The following TENM4 variants were observed in gnomAD, a reference collection of about 807,000 sequenced individuals.
The protein encoded by TENM4 is teneurin-4.
Under a neutral mutation model 243.3 loss-of-function variants are expected in TENM4, and 82 were observed. The ratio of observed to expected loss-of-function variants is 0.34; its 90% confidence interval spans 0.28 to 0.40. The LOEUF (loss-of-function observed/expected upper bound fraction) is 0.40. TENM4 is among the 10% of genes least tolerant of loss of function. TENM4 has a pLI of 1.00. For missense variants in TENM4, 3,138 were observed against 3,673.3 expected (o/e 0.85, Z 3.77); for synonymous variants, 1,412 against 1,456.3 (o/e 0.97, Z 0.69).
At chr11:79,100,002 A>G (rs1861183910) in intron 4 of TENM4, among the ~76,000 whole-genome samples, 1 of 152,172 alleles carries the variant, frequency 6.6e-6, no homozygotes, top group Non-Finnish European at 1.5e-5. Context: ...TGTCTGGTTG[A>G]GCACTTTCAC....
chr11:78,902,174 T>TA, intron 7 of TENM4, among the ~76,000 whole-genome samples: 1 of 152,210 alleles, frequency 6.6e-6, no homozygotes, highest in Non-Finnish European at 1.5e-5. Context: ...ACACTTCATC[T>TA]ACAGTTTAGA....
chr11:79,064,654 G>T, intron 6 of TENM4, 84 bp downstream of exon 6: 6 of 1,503,054 alleles, frequency 4.0e-6, no homozygotes, highest in Non-Finnish European at 5.4e-6. Context: ...CAGAGCCCCG[G>T]CAGTGGAGCA....
chr11:79,188,566 G>C (rs944873158), intron 3 of TENM4, among the ~76,000 whole-genome samples: 10 of 151,886 alleles, frequency 6.6e-5, no homozygotes, highest in Admixed American at 2.0e-4. Context: ...AGAAGGAAGG[G>C]AGAATGGAGG....
chr11:78,747,340 G>A (rs930211278), intron 19 of TENM4, among the ~76,000 whole-genome samples: 16 of 152,362 alleles, frequency 1.1e-4, no homozygotes, highest in Non-Finnish European at 1.8e-4. Flanking sequence ...GGCTGCTGAA[G>A]TCAGACACAG....
chr11:78,871,719 T>C (rs1191170790), intron 9 of TENM4, among the ~76,000 whole-genome samples: 2 of 152,132 alleles, frequency 1.3e-5, no homozygotes, highest in African/African-American at 4.8e-5. Flanking sequence ...GGGAACCATC[T>C]CCTTGGGTCT....
intron 1 of TENM4, among the ~76,000 whole-genome samples, chr11:79,436,561 AAG>A (rs1325244309): frequency 6.6e-6 from 1 of 152,232 alleles, no homozygotes; most frequent in Non-Finnish European, 1.5e-5. Context: ...ATTCTATTGG[AAG>A]AGAGTCCGTG....
Position 78,661,382 on chromosome 11 carries a change from A to C in TENM4, c.7551+67T>G, listed in dbSNP as rs567797760. 4 of 1,549,324 alleles carry C rather than the reference A, an allele frequency of 2.6e-6. No individual in the cohort carries two copies. In the South Asian group the frequency reaches 4.8e-5, roughly 19 times the overall value. On this transcript the variant is annotated intron_variant, in intron 33 of 33. Coordinates refer to ENST00000278550, the MANE Select transcript of TENM4 (RefSeq NM_001098816.3). ...ATCACTGGCCCATGCTTTTCTGAAA[A>C]GCTGAAGGGACCCCCTCCAGTAATG... is the stretch of plus-strand genomic sequence containing the variant.
At chr11:78,659,162 T>C (rs1857973325) in intron 33 of TENM4, among the ~76,000 whole-genome samples, 2 of 152,200 alleles carry the variant, frequency 1.3e-5, no homozygotes, top group Non-Finnish European at 2.9e-5. Context: ...ATGACAACAA[T>C]AATTGCAATC....
At chr11:78,667,608 T>C (rs1207607920) in intron 32 of TENM4, among the ~76,000 whole-genome samples, 1 of 152,164 alleles carries the variant, frequency 6.6e-6, no homozygotes, top group Non-Finnish European at 1.5e-5. Context: ...TGGGCATCTG[T>C]GCAAACCTTT....
intron 32 of TENM4, 97 bp from the exon 33 acceptor site, chr11:78,661,688 G>C (rs1858033960): frequency 2.0e-6 from 3 of 1,478,662 alleles, no homozygotes; most frequent in Admixed American, 4.0e-5. Context: ...GCAGGGTGTG[G>C]TGAGGGTGTG....
chr11:79,318,878 C>T (rs1339182410), intron 1 of TENM4, among the ~76,000 whole-genome samples: 1 of 152,152 alleles, frequency 6.6e-6, no homozygotes, highest in African/African-American at 2.4e-5. Flanking sequence ...AACTCCTCTC[C>T]ATGTTTGGGA....
At chr11:78,982,939 C>A (rs1275415732) in intron 6 of TENM4, among the ~76,000 whole-genome samples, 1 of 152,206 alleles carries the variant, frequency 6.6e-6, no homozygotes, top group Non-Finnish European at 1.5e-5. Context: ...GGGCAGCTCT[C>A]GCAGTTACTG....
At chr11:78,998,843 T>C (rs934191256) in intron 6 of TENM4, among the ~76,000 whole-genome samples, 8 of 152,158 alleles carry the variant, frequency 5.3e-5, no homozygotes, top group Non-Finnish European at 1.5e-5. Flanking sequence ...GAGATGTGAA[T>C]GAATAGTGGA....
intron 4 of TENM4, among the ~76,000 whole-genome samples, chr11:79,082,586 C>T (rs1035622954): frequency 2.0e-5 from 3 of 152,130 alleles, no homozygotes; most frequent in African/African-American, 7.2e-5. Flanking sequence ...TATGTGTGCA[C>T]CCATGTGTGC....
rs775834053 is a variant in TENM4, at chr11:78,708,436, G to A, written c.4134C>T (p.Ile1378=). 1.9e-6 allele frequency: 3 copies of A among 1,614,058 alleles called. No homozygotes were observed. In the South Asian group the frequency reaches 3.3e-5, roughly 18 times the overall value. Residue 1378 remains isoleucine, a synonymous_variant, in exon 27 of 34, where the codon ATC becomes ATT. Transcript: ENST00000278550. ...GATCATTAGAGCCGAGCAGGGTGGA[G>A]ATGATCCCATTCTGATCGATGCGTC... is the stretch of plus-strand genomic sequence containing the variant. ...MIRRIDQNGI[I]STLLGSNDLT...
intron 15 of TENM4, among the ~76,000 whole-genome samples, chr11:78,802,796 C>G (rs534595783): frequency 2.6e-5 from 4 of 152,348 alleles, no homozygotes; most frequent in African/African-American, 9.6e-5. Context: ...TATTACAATA[C>G]TTTTAAAGCT....
At chr11:79,270,023 G>A (rs1855942342) in intron 2 of TENM4, among the ~76,000 whole-genome samples, 1 of 151,960 alleles carries the variant, frequency 6.6e-6, no homozygotes, top group South Asian at 2.1e-4. Context: ...TCGCAGAGAA[G>A]CACAGGCCTG....
intron 1 of TENM4, among the ~76,000 whole-genome samples, chr11:79,346,698 C>T (rs190009860): frequency 2.8e-4 from 42 of 152,248 alleles, no homozygotes; most frequent in Middle Eastern, 3.4e-3. Flanking sequence ...TCTAAAAATC[C>T]GCTTCACTTT....
intron 6 of TENM4, among the ~76,000 whole-genome samples, chr11:78,996,351 G>A (rs1189229138): frequency 1.3e-5 from 2 of 152,080 alleles, no homozygotes; most frequent in African/African-American, 2.4e-5. Context: ...GAGAGACAGC[G>A]GTGCCAGCCT....
Sources: allele counts gnomAD v4.1 joint callset (sites outside exome capture counted in the v4.1 genomes callset), GRCh38; gene constraint gnomAD v4.1.1; transcripts MANE v1.5; gene names NCBI Gene and HGNC (gene_info 2026-07-23, HGNC 2026-07-21).